The following GYPC variants were observed in gnomAD, a reference collection of about 807,000 sequenced individuals.
GYPC encodes glycophorin C (Gerbich blood group), also known as glycophorin-C.
GYPC carries 14 observed loss-of-function variants against 12.6 expected under a neutral mutation model. That is an observed-to-expected ratio of 1.11 (90% CI 0.74 to 1.74). The LOEUF (loss-of-function observed/expected upper bound fraction) is 1.74. Ranked by LOEUF, GYPC falls within the 40% of genes most tolerant of loss-of-function variation. GYPC has a pLI of 0.00. For synonymous variants in GYPC, 78 were observed against 62.1 expected, an observed-to-expected ratio of 1.26 and a Z score of -1.20; for missense variants, 225 against 172.1, an observed-to-expected ratio of 1.31 and a Z score of -1.72.
chr2:126,686,530 T>C (rs1683295577), intron 1 of GYPC: 1 of 985,300 alleles, frequency 1.0e-6, no homozygotes, highest in Admixed American at 6.1e-5. Context: ...TGGTTCGTGG[T>C]TCCCCAGAAG....
intron 1 of GYPC, among the ~76,000 whole-genome samples, chr2:126,682,542 T>C (rs893794): frequency 0.45 from 68,589 of 151,910 alleles, 15,885 homozygotes; most frequent in East Asian, 0.5. Context: ...TCTCAGATGG[T>C]ATCTCCCGCT....
At chr2:126,671,256 G>A (rs1034181670) in intron 1 of GYPC, among the ~76,000 whole-genome samples, 1 of 152,204 alleles carries the variant, frequency 6.6e-6, no homozygotes, top group African/African-American at 2.4e-5. Context: ...TGGAAATACA[G>A]GCACTCGGGG....
intron 1 of GYPC, chr2:126,686,180 G>C: frequency 1.0e-6 from 1 of 985,402 alleles, no homozygotes; most frequent in Non-Finnish European, 1.2e-6. Flanking sequence ...TGGCAACAGA[G>C]GAGTGTGACT....
chr2:126,689,835 A>C (rs1683401640), intron 1 of GYPC, among the ~76,000 whole-genome samples: 2 of 152,220 alleles, frequency 1.3e-5, no homozygotes, highest in South Asian at 4.1e-4. Context: ...CCAAGTATTC[A>C]GCTATAGCAA....
chr2:126,677,358 TGTGA>T (rs1358516955), intron 1 of GYPC, among the ~76,000 whole-genome samples: 1 of 150,862 alleles, frequency 6.6e-6, no homozygotes. Flanking sequence ...TGTGTGTGAG[TGTGA>T]GAGAATGAGT....
chr2:126,695,289 G>A (rs920055600), intron 3 of GYPC, among the ~76,000 whole-genome samples: 25 of 152,290 alleles, frequency 1.6e-4, no homozygotes, highest in African/African-American at 6.0e-4. Context: ...CAGTCCTGGG[G>A]TATGATTCTA....
intron 2 of GYPC, among the ~76,000 whole-genome samples, chr2:126,692,052 T>G (rs558786929): frequency 6.6e-6 from 1 of 152,306 alleles, no homozygotes; most frequent in South Asian, 2.1e-4. Flanking sequence ...GAGTACCTAC[T>G]ATGTGCTAGA....
chr2:126,657,035 AC>A (rs1169016934), intron 1 of GYPC, among the ~76,000 whole-genome samples: 2 of 151,774 alleles, frequency 1.3e-5, no homozygotes, highest in East Asian at 1.9e-4. Flanking sequence ...CATCCCTCTT[AC>A]CCCCACCCTG....
rs372674472 is a variant in GYPC, at chr2:126,695,909, G to A, written c.191-37G>A. 97 of 1,579,268 alleles carry A rather than the reference G, an allele frequency of 6.1e-5. No individual in the cohort carries two copies. In the African/African-American group the frequency reaches 1.1e-3, roughly 18 times the overall value. ...CACCATCCCAGGCCCCAGAGCCCCT[G>A]CCTCAGACTGACCCTTGCACCTCTT... On this transcript the variant is annotated intron_variant, in intron 3 of 3. Transcript: ENST00000259254.
At chr2:126,686,634 G>T in intron 1 of GYPC, 1 of 984,246 alleles carries the variant, frequency 1.0e-6, no homozygotes, top group Non-Finnish European at 1.2e-6. Context: ...AACGTGTGGA[G>T]CTTCCTGTCT....
At chr2:126,680,538 G>A (rs1222090203) in intron 1 of GYPC, 3 of 152,240 alleles carry the variant, frequency 2.0e-5, no homozygotes, top group Non-Finnish European at 4.4e-5. Flanking sequence ...GAGAAGCAAA[G>A]TCTGTGGCCA....
chr2:126,665,845 G>A (rs553678525), intron 1 of GYPC, among the ~76,000 whole-genome samples: 1 of 152,320 alleles, frequency 6.6e-6, no homozygotes, highest in East Asian at 1.9e-4. Context: ...AAGACAAAAA[G>A]TGAGGCTCAA....
chr2:126,672,334 G>A (rs1397444265), intron 1 of GYPC, among the ~76,000 whole-genome samples: 1 of 152,124 alleles, frequency 6.6e-6, no homozygotes, highest in Non-Finnish European at 1.5e-5. Flanking sequence ...AGGAGGAAGA[G>A]AATAGTGAGC....
At chr2:126,666,782 C>T (rs1008692251) in intron 1 of GYPC, among the ~76,000 whole-genome samples, 58 of 149,828 alleles carry the variant, frequency 3.9e-4, no homozygotes, top group East Asian at 2.6e-3. Flanking sequence ...CACAAGCACA[C>T]ACACATTTCT....
In GYPC at chr2:126,693,931, C is replaced by A. The variant is rs1414224413; in HGVS notation, c.174C>A (p.Asp58Glu). ...RMETSTPTIM[D>E]IVVIAGVIAA... ...AGACCTCCACCCCCACCATAATGGA[C>A]ATTGTCGTCATTGCAGGTGAGCTCT... Residue 58 changes from aspartate (D) to glutamate (E), a missense_variant, in exon 3 of 4, where the codon GAC (aspartate) becomes GAA (glutamate). By Grantham distance (45) the Asp-to-Glu change is conservative. Coordinates refer to ENST00000259254, the MANE Select transcript of GYPC (RefSeq NM_002101.5). The A allele has an allele frequency of 1.9e-6, 3 of 1,607,854 alleles. No homozygotes were observed. Among genetic ancestry groups the A allele is most frequent in the Non-Finnish European group, 2.6e-6 (3 of 1,174,418 alleles).
intron 1 of GYPC, among the ~76,000 whole-genome samples, chr2:126,677,996 C>T (rs560379990): frequency 1.8e-4 from 27 of 152,236 alleles, no homozygotes; most frequent in South Asian, 4.1e-4. Context: ...CCAAGGTGGG[C>T]GGATCACGAG....
rs544624348 is a variant in GYPC at position 126,667,721 on chromosome 2, G to A, written c.49+11409G>A. ...CCTGGCCTGTGGAGTCCTTTTCTAA[G>A]TTCCAAGTCTGCAGGGACCTCTTGT... On this transcript the variant is annotated intron_variant, in intron 1 of 3. Coordinates refer to ENST00000259254, the MANE Select transcript of GYPC (RefSeq NM_002101.5). 5.9e-5 allele frequency among the ~76,000 whole-genome samples: 9 copies of A among 151,420 alleles called. No homozygotes were observed. The East Asian group carries it at 1.7e-3, about 29-fold the overall frequency.
intron 1 of GYPC, among the ~76,000 whole-genome samples, chr2:126,660,057 A>G (rs905227716): frequency 6.6e-6 from 1 of 152,248 alleles, no homozygotes; most frequent in African/African-American, 2.4e-5. Context: ...GCCAGGCTGT[A>G]GTTACAAACT....
At chr2:126,673,612 G>T (rs1000639167) in intron 1 of GYPC, among the ~76,000 whole-genome samples, 2 of 152,196 alleles carry the variant, frequency 1.3e-5, no homozygotes, top group Non-Finnish European at 2.9e-5. Flanking sequence ...GCGGAGCCAC[G>T]ACTAGAATTC....
Sources: allele counts gnomAD v4.1 joint callset (sites outside exome capture counted in the v4.1 genomes callset), GRCh38; gene constraint gnomAD v4.1.1; transcripts MANE v1.5; gene names NCBI Gene and HGNC (gene_info 2026-07-23, HGNC 2026-07-21).